STK3: variants seen among roughly 807,000 people sequenced by gnomAD.
The protein encoded by STK3 is serine/threonine-protein kinase 3.
A neutral mutation model predicts 58.0 loss-of-function variants in STK3; 41 were observed. That is an observed-to-expected ratio of 0.71 (90% CI 0.55 to 0.92). The LOEUF (loss-of-function observed/expected upper bound fraction) is 0.92. Among genes scored for constraint, STK3 ranks in the 40% least tolerant of loss-of-function variants. The probability of loss-of-function intolerance (pLI) is 0.00; values close to 1 mark genes in which losing one functional copy is unlikely to be tolerated. For synonymous variants in STK3, 170 were observed against 191.0 expected (o/e 0.89, Z 0.91); for missense variants, 479 against 602.7 (o/e 0.79, Z 2.15).
chr8:98,810,441 G>GTT (rs796961403), intron 1 of STK3, among the ~76,000 whole-genome samples: 184 of 145,578 alleles, frequency 1.3e-3, no homozygotes, highest in African/African-American at 4.2e-3. Context: ...ATTTTCTGCT[G>GTT]TTTTTTTTTT....
chr8:98,926,111 T>C (rs1839779934), intron 1 of STK3, among the ~76,000 whole-genome samples: 1 of 152,196 alleles, frequency 6.6e-6, no homozygotes, highest in African/African-American at 2.4e-5. Context: ...GTCTGCACTA[T>C]TTCAAGAACC....
At chr8:98,831,016 C>A (rs915909632) in intron 3 of STK3, among the ~76,000 whole-genome samples, 1 of 149,756 alleles carries the variant, frequency 6.7e-6, no homozygotes, top group Non-Finnish European at 1.5e-5. Flanking sequence ...TCTGTTTCTG[C>A]TTCCAACAGC....
intron 3 of STK3, among the ~76,000 whole-genome samples, chr8:98,425,189 G>T (rs1315602739): frequency 6.6e-6 from 1 of 152,236 alleles, no homozygotes; most frequent in Admixed American, 6.5e-5. Flanking sequence ...ACTGCAGCCA[G>T]GTGTGTGGGA....
chr8:98,757,899 T>C (rs1830393482), intron 3 of STK3, among the ~76,000 whole-genome samples: 1 of 152,220 alleles, frequency 6.6e-6, no homozygotes, highest in African/African-American at 2.4e-5. Context: ...AACATTATCC[T>C]GAGCAGGATT....
chr8:98,721,069 C>G (rs1396213617), intron 4 of STK3: 4 of 983,906 alleles, frequency 4.1e-6, no homozygotes, highest in Non-Finnish European at 4.8e-6. Context: ...AGTAAGCACA[C>G]TCACCTGGCC....
rs1839249743 is a variant in STK3, at chr8:98,914,060, A to G, written c.-79+28318T>C. On this transcript the variant is annotated intron_variant, in intron 1 of 1. Coordinates refer to the STK3 transcript ENST00000519420. ...TTATTCAGTTAAAGCCAATTCAAAAAAAAAAACAAAAACCCGAGTTTATCA... is the reference window on the plus strand; with the variant it reads ...TTATTCAGTTAAAGCCAATTCAAAAGAAAAAACAAAAACCCGAGTTTATCA... Among the ~76,000 whole-genome samples the G allele has an allele frequency of 3.9e-5, 6 of 152,256 alleles. No individual in the cohort carries two copies. The South Asian group carries it at 1.2e-3, about 32-fold the overall frequency.
chr8:98,355,393 A>G, the STK3 span, among the ~76,000 whole-genome samples: 1 of 152,188 alleles, frequency 6.6e-6, no homozygotes, highest in South Asian at 2.1e-4. Context: ...TGCACCATAC[A>G]GACTAGCTGT....
chr8:98,797,106 G>A (rs1472474250), intron 1 of STK3, among the ~76,000 whole-genome samples: 2 of 152,178 alleles, frequency 1.3e-5, no homozygotes, highest in Non-Finnish European at 2.9e-5. Context: ...CCATCTTCCA[G>A]TAGAAAGCTG....
intron 1 of STK3, among the ~76,000 whole-genome samples, chr8:98,386,017 C>T (rs1476786804): frequency 2.6e-5 from 4 of 152,046 alleles, no homozygotes; most frequent in African/African-American, 9.7e-5. Flanking sequence ...CGAAAAATAG[C>T]ATTACACCAA....
At chr8:98,434,292 T>C (rs1818407853) in exon 3 of STK3, 1 of 152,280 alleles carries the variant, frequency 6.6e-6, no homozygotes, top group Non-Finnish European at 1.5e-5. Context: ...GGGGTGTAGC[T>C]CAGCTCCTCC....
intron 4 of STK3, among the ~76,000 whole-genome samples, chr8:98,717,280 C>G (rs1420365683): frequency 6.6e-6 from 1 of 151,334 alleles, no homozygotes. Flanking sequence ...AATTACGTAT[C>G]TGATAAGACA....
chr8:98,752,185 C>T (rs1337063567), intron 3 of STK3, among the ~76,000 whole-genome samples: 10 of 152,044 alleles, frequency 6.6e-5, no homozygotes, highest in East Asian at 1.9e-4. Context: ...TCACACTACC[C>T]GACTTCAAAA....
At chr8:98,763,023 A>G (rs1830729018) in intron 3 of STK3, among the ~76,000 whole-genome samples, 3 of 152,240 alleles carry the variant, frequency 2.0e-5, no homozygotes, top group South Asian at 2.1e-4. Flanking sequence ...AATATGCTTT[A>G]GCACTAGAAG....
intron 3 of STK3, among the ~76,000 whole-genome samples, chr8:98,751,261 C>T (rs1008176603): frequency 6.6e-6 from 1 of 152,166 alleles, no homozygotes; most frequent in Non-Finnish European, 1.5e-5. Flanking sequence ...CAAGGGCAAT[C>T]AGGCAAGAGA....
At chr8:98,559,500 C>T (rs537143627) in intron 8 of STK3, among the ~76,000 whole-genome samples, 22 of 152,226 alleles carry the variant, frequency 1.4e-4, no homozygotes, top group Admixed American at 1.3e-3. Context: ...GATGTCAAGA[C>T]AAAAGCAGCA....
Position 98,660,315 on chromosome 8 carries a change from G to A in STK3, c.684+46152C>T, listed in dbSNP as rs180969753. Among the ~76,000 whole-genome samples, 26 of 152,064 alleles carry A rather than the reference G, an allele frequency of 1.7e-4. No individual in the cohort carries two copies. In the East Asian group the frequency reaches 4.3e-3, roughly 25 times the overall value. On this transcript the variant is annotated intron_variant, in intron 6 of 10. Coordinates refer to ENST00000419617, the MANE Select transcript of STK3 (RefSeq NM_006281.4). ...CTTAATGGGTAAGAGTTGCAGTTGT[G>A]CTAGATGAAAAAATCCTGCAGATCT...
chr8:98,536,598 G>T (rs1257222312), intron 9 of STK3, among the ~76,000 whole-genome samples: 1 of 152,124 alleles, frequency 6.6e-6, no homozygotes, highest in Non-Finnish European at 1.5e-5. Flanking sequence ...TCTGCAGGCA[G>T]GAGAACAAGC....
At chr8:98,858,086 A>T (rs994922459) in intron 3 of STK3, among the ~76,000 whole-genome samples, 3 of 151,644 alleles carry the variant, frequency 2.0e-5, no homozygotes, top group African/African-American at 7.3e-5. Context: ...AATGAATTTT[A>T]AAAATATAAG....
At chr8:98,418,085 AT>A (rs1339895680) in intron 3 of STK3, among the ~76,000 whole-genome samples, 1 of 151,974 alleles carries the variant, frequency 6.6e-6, no homozygotes, top group African/African-American at 2.4e-5. Context: ...AATTAAAAAA[AT>A]TTTTTTGTAG....
Sources: allele counts gnomAD v4.1 joint callset (sites outside exome capture counted in the v4.1 genomes callset), GRCh38; gene constraint gnomAD v4.1.1; transcripts MANE v1.5; gene names NCBI Gene and HGNC (gene_info 2026-07-23, HGNC 2026-07-21).